ARHGAP24: variants seen among roughly 807,000 people sequenced by gnomAD.
ARHGAP24 encodes the protein rho GTPase-activating protein 24.
Under a neutral mutation model 76.4 loss-of-function variants are expected in ARHGAP24, and 50 were observed. The observed-to-expected ratio is 0.65, with a 90% CI of 0.52 to 0.83. The LOEUF is 0.83. Among genes scored for constraint, ARHGAP24 ranks in the 40% least tolerant of loss-of-function variants. The pLI is 0.00. For missense variants in ARHGAP24, 930 were observed against 914.2 expected (o/e 1.02, Z -0.22); for synonymous variants, 345 against 323.3 (o/e 1.07, Z -0.72).
At chr4:85,485,618 GT>G (rs1355739735) in intron 1 of ARHGAP24, among the ~76,000 whole-genome samples, 4 of 151,368 alleles carry the variant, frequency 2.6e-5, no homozygotes, top group African/African-American at 9.7e-5. Context: ...AAATCACTTA[GT>G]TTTTCTAGAC....
chr4:85,704,282 T>G lies in ARHGAP24; in HGVS notation c.181-17603T>G, dbSNP rs73835534. Reference sequence around the variant, plus strand: ...TTTTAATACTGCACTTTAATATATCTTCTTTCTATCATTGTAGCTTCCAGC... The same window carrying G: ...TTTTAATACTGCACTTTAATATATCGTCTTTCTATCATTGTAGCTTCCAGC... On this transcript the variant is annotated intron_variant, in intron 2 of 9. Coordinates refer to ENST00000395184, the MANE Select transcript of ARHGAP24 (RefSeq NM_001025616.3). 9.9e-3 allele frequency among the ~76,000 whole-genome samples: 1,487 copies of G among 149,540 alleles called. 25 individuals are homozygous for G. Among genetic ancestry groups the G allele is most frequent in the African/African-American group, 0.035 (1,382 of 39,036 alleles).
At chr4:85,595,235 A>C (rs904648219) in intron 2 of ARHGAP24, among the ~76,000 whole-genome samples, 1 of 152,142 alleles carries the variant, frequency 6.6e-6, no homozygotes, top group African/African-American at 2.4e-5. Context: ...GGCATTGGAA[A>C]GTTCCTTTCC....
intron 3 of ARHGAP24, among the ~76,000 whole-genome samples, chr4:85,747,708 AAAACAAAC>A (rs10653867): frequency 1.3e-5 from 2 of 150,750 alleles, no homozygotes; most frequent in Admixed American, 6.6e-5. Context: ...GTCTAAAACA[AAAACAAAC>A]AAACAAACAA....
Position 85,528,781 on chromosome 4 carries a change from C to T in ARHGAP24, c.-20-41741C>T, listed in dbSNP as rs182124026. ...GACATGTACTATCTCCACGTCATGT[C>T]CTCTGCATAGGCAGTAACAAAGAAC... On this transcript the variant is annotated intron_variant, in intron 1 of 9. Coordinates refer to ENST00000395184, the MANE Select transcript of ARHGAP24 (RefSeq NM_001025616.3). 4.3e-3 allele frequency among the ~76,000 whole-genome samples: 649 copies of T among 152,172 alleles called. 8 individuals carry two copies. The highest frequency in any genetic ancestry group is 4.1e-3 in the Non-Finnish European group (280 of 67,934).
At chr4:85,868,285 G>A (rs571457996) in intron 3 of ARHGAP24, among the ~76,000 whole-genome samples, 1 of 152,216 alleles carries the variant, frequency 6.6e-6, no homozygotes, top group African/African-American at 2.4e-5. Flanking sequence ...GGAAGCCAGT[G>A]TTCATATTAT....
At chr4:85,487,785 ATT>A (rs1230991319) in intron 1 of ARHGAP24, among the ~76,000 whole-genome samples, 4 of 109,730 alleles carry the variant, frequency 3.6e-5, no homozygotes, top group African/African-American at 1.5e-4. Flanking sequence ...TTTATTATAT[ATT>A]ATATAAATAT....
At chr4:85,847,740 T>C (rs1258757317) in intron 3 of ARHGAP24, among the ~76,000 whole-genome samples, 3 of 152,162 alleles carry the variant, frequency 2.0e-5, no homozygotes, top group African/African-American at 7.2e-5. Flanking sequence ...GGCACACATA[T>C]AGTTGTCACT....
chr4:85,884,585 A>G (rs991995263), intron 3 of ARHGAP24, among the ~76,000 whole-genome samples: 6 of 152,206 alleles, frequency 3.9e-5, no homozygotes, highest in African/African-American at 1.4e-4. Context: ...ATTCTGGGTT[A>G]GCTTTCCTCT....
At chr4:85,506,386 G>A (rs185351922) in intron 1 of ARHGAP24, among the ~76,000 whole-genome samples, 109 of 152,368 alleles carry the variant, frequency 7.2e-4, no homozygotes, top group Admixed American at 4.5e-3. Context: ...TTGCTGAGCT[G>A]TGGTGGGCTC....
At chr4:85,528,977 G>C (rs1198477217) in intron 1 of ARHGAP24, among the ~76,000 whole-genome samples, 1 of 151,886 alleles carries the variant, frequency 6.6e-6, no homozygotes, top group Non-Finnish European at 1.5e-5. Context: ...TACTATCAAA[G>C]ATAGAGGTCA....
intron 2 of ARHGAP24, among the ~76,000 whole-genome samples, chr4:85,708,861 A>G (rs1037615732): frequency 1.3e-5 from 2 of 152,208 alleles, no homozygotes; most frequent in East Asian, 3.8e-4. Context: ...AAATAAAATG[A>G]TCTTTTCTAT....
rs1056841945 is a variant in ARHGAP24, at chr4:85,995,068, A to G, written c.1414A>G (p.Met472Val). 1 of 1,614,034 alleles carries G rather than the reference A, an allele frequency of 6.2e-7. No individual in the cohort carries two copies. Among genetic ancestry groups the G allele is most frequent in the Non-Finnish European group, 8.5e-7 (1 of 1,180,020 alleles). ...SSSLKVSGTKMGTHSVQNGTV... is the reference protein window; with the variant it reads ...SSSLKVSGTKVGTHSVQNGTV... ...TTCACTGAAGGTATCTGGTACCAAA[A>G]TGGGCACGCACAGTGTACAGAATGG... Residue 472 changes from methionine to valine, a missense_variant, in exon 9 of 10, where the codon ATG (methionine) becomes GTG (valine). Physicochemically the swap from Met to Val is conservative, Grantham distance 21 (BLOSUM62 1). Transcript: ENST00000395184.
intron 3 of ARHGAP24, among the ~76,000 whole-genome samples, chr4:85,764,582 T>TCAACAGGTTGAA (rs1474996928): frequency 5.9e-5 from 9 of 152,120 alleles, no homozygotes; most frequent in African/African-American, 9.7e-5. Context: ...TTGAGCTGTT[T>TCAACAGGTTGAA]ACAGAAACAG....
intron 5 of ARHGAP24, among the ~76,000 whole-genome samples, chr4:85,951,832 A>G (rs1237991086): frequency 1.3e-5 from 2 of 152,164 alleles, no homozygotes; most frequent in Non-Finnish European, 2.9e-5. Flanking sequence ...TGCAAAGACA[A>G]TCTCTAGTCA....
intron 1 of ARHGAP24, among the ~76,000 whole-genome samples, chr4:85,479,368 A>G (rs1169337958): frequency 6.6e-6 from 1 of 152,220 alleles, no homozygotes; most frequent in Admixed American, 6.5e-5. Flanking sequence ...TATAATAGAT[A>G]TACATTTTCC....
At chr4:85,848,927 C>A (rs963185241) in intron 3 of ARHGAP24, among the ~76,000 whole-genome samples, 10 of 152,084 alleles carry the variant, frequency 6.6e-5, no homozygotes, top group Non-Finnish European at 5.9e-5. Context: ...CTTGGAAATG[C>A]GGGCTCTTTT....
Position 85,972,316 on chromosome 4 carries a change from G to C in ARHGAP24, c.732+148G>C. Reference sequence around the variant, plus strand: ...GACCTCACACACACTGAGACTTTCCGTATACAGCTCAAGCACCATTTCCGA... The same window carrying C: ...GACCTCACACACACTGAGACTTTCCCTATACAGCTCAAGCACCATTTCCGA... On this transcript the variant is annotated intron_variant, in intron 6 of 9. Transcript: ENST00000395184. 3 of 993,562 alleles carry C rather than the reference G, an allele frequency of 3.0e-6. 1 individual carries two copies. Among genetic ancestry groups the C allele is most frequent in the Non-Finnish European group, 4.5e-6 (3 of 665,466 alleles). The allele number at this position is 993,562 out of a possible 1,614,324, so 61.5% of individuals were successfully genotyped here.
At chr4:85,647,567 A>G (rs1217726471) in intron 2 of ARHGAP24, among the ~76,000 whole-genome samples, 1 of 152,150 alleles carries the variant, frequency 6.6e-6, no homozygotes, top group South Asian at 2.1e-4. Context: ...TTATTTTCAC[A>G]TATAAAATCA....
intron 1 of ARHGAP24, among the ~76,000 whole-genome samples, chr4:85,536,588 T>C (rs1725480048): frequency 6.6e-6 from 1 of 152,110 alleles, no homozygotes; most frequent in African/African-American, 2.4e-5. Flanking sequence ...ATTTAACTGG[T>C]AAACAAAAGG....
Sources: allele counts gnomAD v4.1 joint callset (sites outside exome capture counted in the v4.1 genomes callset), GRCh38; gene constraint gnomAD v4.1.1; transcripts MANE v1.5; gene names NCBI Gene and HGNC (gene_info 2026-07-23, HGNC 2026-07-21).